Variants in PPP1R1C observed in about 807,000 individuals in gnomAD.
PPP1R1C encodes protein phosphatase 1 regulatory subunit 1C.
A neutral mutation model predicts 17.4 loss-of-function variants in PPP1R1C; 15 were observed. That is an observed-to-expected ratio of 0.86 (90% confidence interval 0.58 to 1.33). The LOEUF is 1.33. Among genes scored for constraint, PPP1R1C ranks in the 40% most tolerant of loss-of-function variants. The pLI is 0.00. For synonymous variants in PPP1R1C, 35 were observed against 43.1 expected (o/e 0.81, Z 0.73); for missense variants, 143 against 130.0 (o/e 1.10, Z -0.48).
At chr2:182,126,455 T>A (rs901599665) in intron 5 of PPP1R1C, among the ~76,000 whole-genome samples, 3 of 152,114 alleles carry the variant, frequency 2.0e-5, no homozygotes, top group Non-Finnish European at 4.4e-5. Flanking sequence ...CAAAATTAAA[T>A]TGTTAGATTT....
intron 2 of PPP1R1C, among the ~76,000 whole-genome samples, chr2:182,024,529 A>G (rs553589223): frequency 6.6e-6 from 1 of 152,288 alleles, no homozygotes; most frequent in South Asian, 2.1e-4. Flanking sequence ...TTTGAAATTT[A>G]CTAACTTCTA....
chr2:182,046,098 TTCCTTCCTTCCTTCCTTC>T, intron 2 of PPP1R1C, among the ~76,000 whole-genome samples: 1 of 12,418 alleles, frequency 8.1e-5, no homozygotes, highest in Non-Finnish European at 2.7e-4. Context: ...CTACATTTCC[TTCCTTCCTTCCTTCCTTC>T]CTTCCTTCCT....
intron 1 of PPP1R1C, among the ~76,000 whole-genome samples, chr2:181,964,697 T>TTTTATTTATTTA (rs147683694): frequency 0.014 from 2,158 of 151,398 alleles, 153 homozygotes; most frequent in Admixed American, 0.12. Context: ...CTGTAGTTTA[T>TTTTATTTATTTA]TTTATTTATT....
At chr2:182,031,842 G>T (rs1686850313) in intron 2 of PPP1R1C, among the ~76,000 whole-genome samples, 1 of 152,036 alleles carries the variant, frequency 6.6e-6, no homozygotes, top group South Asian at 2.1e-4. Context: ...AGAAGATTTT[G>T]TTAAAAGAAA....
intron 2 of PPP1R1C, among the ~76,000 whole-genome samples, chr2:182,032,164 G>A (rs1202613285): frequency 6.6e-6 from 1 of 152,178 alleles, no homozygotes; most frequent in African/African-American, 2.4e-5. Flanking sequence ...TCATAGTTCA[G>A]CCAAAAGTCA....
intron 2 of PPP1R1C, among the ~76,000 whole-genome samples, chr2:181,988,745 T>A (rs909066119): frequency 3.3e-5 from 5 of 152,170 alleles, no homozygotes; most frequent in Admixed American, 3.3e-4. Flanking sequence ...GATCTAAGAA[T>A]ACCAGGGTGA....
At chr2:182,080,466 A>G (rs974467223) in intron 4 of PPP1R1C, among the ~76,000 whole-genome samples, 5 of 152,206 alleles carry the variant, frequency 3.3e-5, no homozygotes, top group Admixed American at 2.0e-4. Flanking sequence ...TTCACTTGTT[A>G]TATTCTCATT....
intron 2 of PPP1R1C, among the ~76,000 whole-genome samples, chr2:182,020,304 G>A (rs1318255078): frequency 6.6e-6 from 1 of 152,176 alleles, no homozygotes; most frequent in Non-Finnish European, 1.5e-5. Flanking sequence ...TGAAAGAAGA[G>A]TAATATCTTA....
intron 2 of PPP1R1C, among the ~76,000 whole-genome samples, chr2:182,001,884 A>C (rs1009296458): frequency 6.6e-6 from 1 of 152,100 alleles, no homozygotes; most frequent in African/African-American, 2.4e-5. Flanking sequence ...CACCTTATAC[A>C]CAAGGAATCT....
chr2:182,055,617 T>C (rs1687660149), intron 2 of PPP1R1C, among the ~76,000 whole-genome samples: 1 of 152,240 alleles, frequency 6.6e-6, no homozygotes, highest in South Asian at 2.1e-4. Flanking sequence ...TTCTCTTTCA[T>C]TCCTAAAGGA....
In PPP1R1C at chr2:182,093,358, C is replaced by T. The variant is rs372104508; in HGVS notation, c.242-23849C>T. ...CTGGCCCACGAAACCACTTTTTCCT[C>T]CAGGAAAAAGGCTCCAGGCCTGTGA... On this transcript the variant is annotated intron_variant, in intron 4 of 4. Coordinates refer to ENST00000682840, the MANE Select transcript of PPP1R1C (RefSeq NM_001080545.3). 2.6e-5 allele frequency among the ~76,000 whole-genome samples: 4 copies of T among 152,184 alleles called. No homozygotes were observed. The East Asian group carries it at 7.8e-4, about 30-fold the overall frequency.
chr2:182,067,975 C>T (rs983561560), intron 4 of PPP1R1C, among the ~76,000 whole-genome samples: 5 of 152,102 alleles, frequency 3.3e-5, no homozygotes, highest in South Asian at 2.1e-4. Context: ...ATTACTGAAC[C>T]GGTATTCTTT....
intron 2 of PPP1R1C, among the ~76,000 whole-genome samples, chr2:182,056,179 T>C (rs1453228874): frequency 6.6e-6 from 1 of 152,218 alleles, no homozygotes; most frequent in Non-Finnish European, 1.5e-5. Context: ...TCAACACAGA[T>C]GAGAGAGCCC....
At chr2:181,998,728 A>G (rs1322867231) in intron 2 of PPP1R1C, among the ~76,000 whole-genome samples, 1 of 152,194 alleles carries the variant, frequency 6.6e-6, no homozygotes, top group Non-Finnish European at 1.5e-5. Flanking sequence ...ATTTAAAATA[A>G]TTTTTCAAAA....
chr2:181,964,048 T>A (rs886534104), intron 1 of PPP1R1C, among the ~76,000 whole-genome samples: 1 of 152,216 alleles, frequency 6.6e-6, no homozygotes, highest in African/African-American at 2.4e-5. Context: ...AAATACCAGA[T>A]CTTATTTATT....
chr2:182,054,223 G>A (rs1183269060), intron 2 of PPP1R1C, among the ~76,000 whole-genome samples: 1 of 152,116 alleles, frequency 6.6e-6, no homozygotes, highest in African/African-American at 2.4e-5. Flanking sequence ...TTTAAACATA[G>A]CCTGGAGAGG....
chr2:181,985,359 AG>A (rs1431588722), upstream of PPP1R1C, among the ~76,000 whole-genome samples: 1 of 152,240 alleles, frequency 6.6e-6, no homozygotes, highest in Non-Finnish European at 1.5e-5. This position sits in a 1 kb window ranked among gnomAD's most constrained non-coding sequence, Gnocchi z 4.1. Flanking sequence ...TGGAGGCCAC[AG>A]AGCTTGTTAA....
At chr2:182,040,545 C>G (rs1687150574) in intron 2 of PPP1R1C, among the ~76,000 whole-genome samples, 1 of 152,004 alleles carries the variant, frequency 6.6e-6, no homozygotes, top group Non-Finnish European at 1.5e-5. Context: ...CTTGTAGATT[C>G]TGGATATTGG....
At chr2:182,031,136 C>G (rs1425207907) in intron 2 of PPP1R1C, among the ~76,000 whole-genome samples, 1 of 152,328 alleles carries the variant, frequency 6.6e-6, no homozygotes, top group East Asian at 1.9e-4. Flanking sequence ...GAGATGAACC[C>G]GGTACCTCAG....
Sources: gnomAD v4.1 joint callset for allele counts (sites outside exome capture counted in the v4.1 genomes callset) on GRCh38, gnomAD v4.1.1 for gene constraint, Gnocchi (gnomAD v3.1) non-coding constraint, MANE v1.5 for transcripts, NCBI Gene and HGNC (gene_info 2026-07-23, HGNC 2026-07-21) for gene names.